The following UNC13C variants were observed in gnomAD, a reference collection of about 807,000 sequenced individuals.
UNC13C encodes protein unc-13 homolog C.
UNC13C carries 174 observed loss-of-function variants against 245.4 expected under a neutral mutation model. That is an observed-to-expected ratio of 0.71 (90% CI 0.63 to 0.80). UNC13C has a LOEUF of 0.80. Among genes scored for constraint, UNC13C ranks in the 30% least tolerant of loss-of-function variants. The pLI is 0.00. For synonymous variants in UNC13C, 992 were observed against 895.1 expected (o/e 1.11, Z -1.93); for missense variants, 2,829 against 2,602.9 (o/e 1.09, Z -1.89).
chr15:54,280,775 TATATATACAC>T (rs2036972231), intron 10 of UNC13C, among the ~76,000 whole-genome samples: 1 of 136,614 alleles, frequency 7.3e-6, no homozygotes, highest in Non-Finnish European at 1.5e-5. Context: ...CATACATATA[TATATATACAC>T]ATATATATAT....
intron 30 of UNC13C, among the ~76,000 whole-genome samples, chr15:54,593,085 C>G (rs1898890543): frequency 6.6e-6 from 1 of 152,086 alleles, no homozygotes; most frequent in Admixed American, 6.5e-5. Context: ...TCACTGGATA[C>G]AAAATTCTTG....
intron 15 of UNC13C, 117 bp downstream of exon 15, chr15:54,332,228 C>A: frequency 4.3e-6 from 3 of 691,684 alleles, no homozygotes; most frequent in Admixed American, 3.1e-5. Context: ...ATCTCAGGTG[C>A]TGTTACCCTT....
At chr15:54,160,796 G>T (rs778885178) in intron 4 of UNC13C, among the ~76,000 whole-genome samples, 3 of 152,114 alleles carry the variant, frequency 2.0e-5, no homozygotes, top group Non-Finnish European at 4.4e-5. Context: ...TTTTTTACAT[G>T]TTGGTCATTA....
intron 19 of UNC13C, among the ~76,000 whole-genome samples, chr15:54,459,190 A>C (rs939418941): frequency 6.6e-6 from 1 of 152,128 alleles, no homozygotes; most frequent in African/African-American, 2.4e-5. Context: ...GCTGATAACT[A>C]TTTTGTTAAG....
chr15:53,965,291 T>G, the UNC13C span, among the ~76,000 whole-genome samples: 2 of 152,146 alleles, frequency 1.3e-5, no homozygotes, highest in Admixed American at 1.3e-4. Flanking sequence ...CTTCCCCTCC[T>G]CAGCTCGTAT....
the UNC13C span, among the ~76,000 whole-genome samples, chr15:53,910,427 T>A: frequency 6.8e-6 from 1 of 146,436 alleles, no homozygotes; most frequent in African/African-American, 2.4e-5. Flanking sequence ...AAGTTCATAT[T>A]TGGCTTTGAG....
chr15:54,518,357 A>G (rs76764684), intron 24 of UNC13C, among the ~76,000 whole-genome samples: 8,253 of 152,184 alleles, frequency 0.054, 328 homozygotes, highest in Non-Finnish European at 0.081. Flanking sequence ...CATTTCCCAG[A>G]GCATTTAAGA....
the UNC13C span, among the ~76,000 whole-genome samples, chr15:53,889,903 C>T: frequency 6.6e-6 from 1 of 152,142 alleles, no homozygotes; most frequent in East Asian, 1.9e-4. Context: ...GGGATGAAGC[C>T]AACTTGATCG....
chr15:54,090,738 A>G (rs546479626), intron 2 of UNC13C, among the ~76,000 whole-genome samples: 1 of 152,282 alleles, frequency 6.6e-6, no homozygotes, highest in African/African-American at 2.4e-5. Flanking sequence ...TTGTTACAGC[A>G]TTTAATGGCT....
chr15:54,341,328 C>T (rs2038723594), intron 17 of UNC13C, among the ~76,000 whole-genome samples: 1 of 152,102 alleles, frequency 6.6e-6, no homozygotes, highest in African/African-American at 2.4e-5. Flanking sequence ...GTCCGGAGGT[C>T]ATTATCCTAA....
intron 4 of UNC13C, among the ~76,000 whole-genome samples, chr15:54,167,968 A>G (rs539933459): frequency 7.2e-5 from 11 of 152,286 alleles, no homozygotes; most frequent in African/African-American, 2.2e-4. Context: ...AACAACATCT[A>G]ATTTTGGCAA....
At chr15:53,981,943 C>T (rs763770797) in intron 1 of UNC13C, among the ~76,000 whole-genome samples, 4 of 152,054 alleles carry the variant, frequency 2.6e-5, no homozygotes, top group Non-Finnish European at 5.9e-5. Flanking sequence ...TCTCAGCATA[C>T]AGAAATTAAT....
intron 1 of UNC13C, among the ~76,000 whole-genome samples, chr15:54,003,352 A>G (rs114774512): frequency 0.02 from 3,040 of 152,248 alleles, 109 homozygotes; most frequent in African/African-American, 0.07. Flanking sequence ...TGATTAGGAA[A>G]ATGTTGCAAA....
At chr15:54,423,600 T>A (rs1412392604) in intron 19 of UNC13C, among the ~76,000 whole-genome samples, 2 of 151,846 alleles carry the variant, frequency 1.3e-5, no homozygotes, top group African/African-American at 4.8e-5. Context: ...TTGGGCAAGG[T>A]ATTTGAATGG....
chr15:54,000,834 C>A (rs1415003658), intron 1 of UNC13C, among the ~76,000 whole-genome samples: 1 of 152,174 alleles, frequency 6.6e-6, no homozygotes, highest in African/African-American at 2.4e-5. Flanking sequence ...GACATCTAAT[C>A]AATGTACCAA....
At chr15:54,052,260 C>T (rs1897303994) in intron 2 of UNC13C, among the ~76,000 whole-genome samples, 1 of 112,376 alleles carries the variant, frequency 8.9e-6, no homozygotes, top group Admixed American at 1.0e-4. Flanking sequence ...GATTTATAGT[C>T]CTTTGGGTAT....
chr15:54,171,857 T>A (rs761390542), intron 4 of UNC13C, among the ~76,000 whole-genome samples: 1 of 152,114 alleles, frequency 6.6e-6, no homozygotes, highest in Non-Finnish European at 1.5e-5. Flanking sequence ...GCAACCTAAG[T>A]GTCCCATCAA....
At chr15:54,142,331 A>G (rs1288916007) in intron 2 of UNC13C, among the ~76,000 whole-genome samples, 2 of 152,208 alleles carry the variant, frequency 1.3e-5, no homozygotes, top group Non-Finnish European at 2.9e-5. Flanking sequence ...CACCTGAAAC[A>G]TTAGATGTAA....
At chr15:54,561,139 T>A (rs918434548) in intron 29 of UNC13C, among the ~76,000 whole-genome samples, 2 of 151,982 alleles carry the variant, frequency 1.3e-5, no homozygotes, top group African/African-American at 4.8e-5. Flanking sequence ...TTTGGATTCC[T>A]GGGCCCAGCA....
Sources: gnomAD v4.1 joint callset for allele counts (sites outside exome capture counted in the v4.1 genomes callset) on GRCh38, gnomAD v4.1.1 for gene constraint, MANE v1.5 for transcripts, NCBI Gene and HGNC (gene_info 2026-07-23, HGNC 2026-07-21) for gene names.